Variants in KLC1 observed in about 807,000 individuals in gnomAD.
KLC1 encodes kinesin 2 60/70kDa.
In KLC1, 30 loss-of-function variants were observed where a neutral mutation model predicts 84.2. The observed-to-expected ratio is 0.36, with a 90% CI of 0.27 to 0.48. The LOEUF (loss-of-function observed/expected upper bound fraction) is 0.48. KLC1 is among the 20% of genes least tolerant of loss of function. The pLI is 0.99. For synonymous variants in KLC1, 289 were observed against 293.3 expected (o/e 0.99, Z 0.15); for missense variants, 499 against 805.4 (o/e 0.62, Z 4.60).
intron 15 of KLC1, chr14:103,698,915 G>C: frequency 6.2e-7 from 1 of 1,600,736 alleles, no homozygotes; most frequent in Non-Finnish European, 8.5e-7. Context: ...CTGGGCAGCC[G>C]AGGGCAGCCT....
At chr14:103,672,644 C>G (rs924358901) in intron 7 of KLC1, among the ~76,000 whole-genome samples, 17 of 152,154 alleles carry the variant, frequency 1.1e-4, no homozygotes, top group Admixed American at 9.8e-4. Context: ...GTGGGCTCTT[C>G]AGAAGCTGGC....
chr14:103,671,300 C>T (rs2080366513), intron 7 of KLC1, among the ~76,000 whole-genome samples: 1 of 151,914 alleles, frequency 6.6e-6, no homozygotes, highest in African/African-American at 2.4e-5. Flanking sequence ...TTCAGCAGTG[C>T]TGTGTATGAC....
At chr14:103,630,225 C>T (rs111620817) in intron 1 of KLC1, among the ~76,000 whole-genome samples, 1 of 152,270 alleles carries the variant, frequency 6.6e-6, no homozygotes, top group African/African-American at 2.4e-5. Context: ...TGGGTGTACC[C>T]TTTTCCTTAA....
In KLC1 at chr14:103,694,588, C is replaced by T. The variant is rs1357534986; in HGVS notation, c.1848+2163C>T. 1 of 985,370 alleles carries T rather than the reference C, an allele frequency of 1.0e-6. No homozygotes were observed. The highest frequency in any genetic ancestry group is 1.7e-5 in the African/African-American group (1 of 57,252). 61.0% of individuals were successfully genotyped at this position (985,370 alleles called of 1,614,324 possible). A position where few individuals can be genotyped will look rare whatever the true frequency, so the allele number is the denominator to read the frequency against. ...GTCCATAGGTAAAGAGCATACAAAACAGACGCCGAGGTGATCAGTGATTCC... is the reference window on the plus strand; with the variant it reads ...GTCCATAGGTAAAGAGCATACAAAATAGACGCCGAGGTGATCAGTGATTCC... On this transcript the variant is annotated intron_variant, in intron 15 of 16. Transcript: ENST00000334553. The surrounding 1 kb of genome is among the most constrained non-coding windows in gnomAD (Gnocchi z 4.5).
intron 1 of KLC1, 102 bp from the exon 2 acceptor site, chr14:103,654,462 T>C: frequency 1.2e-6 from 1 of 819,958 alleles, no homozygotes; most frequent in Non-Finnish European, 1.8e-6. Flanking sequence ...TATTTATTAT[T>C]CCCCTATAAA....
In KLC1 at chr14:103,657,656, G is replaced by A. The variant is rs756251182; in HGVS notation, c.372G>A (p.Leu124=). The change falls in exon 3 of 17, where the codon CTG becomes CTA. Residue 124 remains leucine (L), a synonymous_variant. Transcript: ENST00000334553. ...CQENQWLRDE[L]ANTQQKLQKS... ...AGAATCAGTGGCTACGGGATGAACTGGCCAACACGCAGCAGAAACTGCAGA... is the reference window on the plus strand; with the variant it reads ...AGAATCAGTGGCTACGGGATGAACTAGCCAACACGCAGCAGAAACTGCAGA... The A allele has an allele frequency of 1.2e-6, 2 of 1,614,164 alleles. No individual in the cohort carries two copies. The highest frequency in any genetic ancestry group is 2.2e-5 in the South Asian group (2 of 91,082).
At chr14:103,682,797 T>A (rs1305216958) in intron 13 of KLC1, 1 of 149,702 alleles carries the variant, frequency 6.7e-6, no homozygotes, top group Non-Finnish European at 1.5e-5. Context: ...TTTTTTTTTT[T>A]TTTTTGAGAT....
chr14:103,696,185 A>G (rs1220211643), intron 15 of KLC1: 1 of 977,478 alleles, frequency 1.0e-6, no homozygotes, highest in Non-Finnish European at 1.2e-6. Flanking sequence ...GTGGGCGGAC[A>G]GCATATCTCT....
chr14:103,688,582 C>T lies in KLC1; in HGVS notation c.1781+1371C>T, dbSNP rs72710771. On this transcript the variant is annotated intron_variant, in intron 14 of 16. Coordinates refer to ENST00000334553, the MANE Select transcript of KLC1 (RefSeq NM_001394837.1). ...AGGGTGCGGGGTGGCCAGAGATGGC[C>T]CAGTCCCTTAGTGGTAGGGCTCACC... 5.5e-3 allele frequency among the ~76,000 whole-genome samples: 834 copies of T among 152,326 alleles called. 1 individual carries two copies. The highest frequency in any genetic ancestry group is 0.015 in the South Asian group (73 of 4,822).
intron 1 of KLC1, among the ~76,000 whole-genome samples, chr14:103,648,835 C>T (rs1189638448): frequency 6.6e-6 from 1 of 151,974 alleles, no homozygotes; most frequent in East Asian, 1.9e-4. Context: ...GTTAAAAATA[C>T]ATGTCAAAAT....
chr14:103,686,089 A>G, intron 13 of KLC1: 2 of 1,010,374 alleles, frequency 2.0e-6, no homozygotes, highest in South Asian at 8.0e-5. Context: ...GGGTCTCCCT[A>G]GGATATGCCC....
At position 103,696,839 on chromosome 14, in the gene KLC1, T is replaced by C. The variant is rs553223276; in HGVS notation, c.1849-3816T>C. The C allele has an allele frequency of 2.3e-4, 224 of 985,070 alleles. 1 individual carries two copies. The South Asian group carries it at 6.1e-3, about 27-fold the overall frequency. 61.0% of individuals were successfully genotyped at this position (985,070 alleles called of 1,614,324 possible). ...AAGACCCATGGCCCTGGCCTGGAAC[T>C]GTGCTCCCCAGGGCGTGGTGCCTCC... On this transcript the variant is annotated intron_variant, in intron 15 of 16. Coordinates refer to ENST00000334553, the MANE Select transcript of KLC1 (RefSeq NM_001394837.1).
chr14:103,640,391 C>T (rs1283953461), intron 1 of KLC1, among the ~76,000 whole-genome samples: 2 of 150,216 alleles, frequency 1.3e-5, no homozygotes, highest in Non-Finnish European at 3.0e-5. Flanking sequence ...GACAGAGTCT[C>T]GCGCTGTCGC....
chr14:103,641,132 C>G (rs2077458517), intron 1 of KLC1, among the ~76,000 whole-genome samples: 2 of 152,100 alleles, frequency 1.3e-5, no homozygotes, highest in South Asian at 4.1e-4. Context: ...GCCATGTTGG[C>G]CATGCTGGTC....
intron 1 of KLC1, among the ~76,000 whole-genome samples, chr14:103,634,990 T>C (rs2076945877): frequency 6.6e-6 from 1 of 152,240 alleles, no homozygotes; most frequent in African/African-American, 2.4e-5. Context: ...TGTAGCCTCC[T>C]AGTTAGTATA....
At chr14:103,671,183 C>T (rs1042418386) in intron 7 of KLC1, among the ~76,000 whole-genome samples, 1 of 152,052 alleles carries the variant, frequency 6.6e-6, no homozygotes, top group Non-Finnish European at 1.5e-5. Flanking sequence ...ATTATTATAA[C>T]TAAAGATTAA....
chr14:103,677,820 G>T (rs112235764), intron 12 of KLC1, among the ~76,000 whole-genome samples: 1 of 151,870 alleles, frequency 6.6e-6, no homozygotes, highest in Admixed American at 6.6e-5. Context: ...TTAGCTGGGC[G>T]TGGTGGCACA....
At chr14:103,698,989 G>A (rs1390312890) in intron 15 of KLC1, 1 of 1,596,218 alleles carries the variant, frequency 6.3e-7, no homozygotes, top group South Asian at 1.1e-5. Flanking sequence ...GTTATGCCAA[G>A]GGCTGGGGAA....
At chr14:103,662,392 C>T (rs189652775) in intron 4 of KLC1, among the ~76,000 whole-genome samples, 198 bp downstream of exon 4, 16 of 152,256 alleles carry the variant, frequency 1.1e-4, no homozygotes, top group Middle Eastern at 3.4e-3. Flanking sequence ...CCCTAGGATA[C>T]AGCGGCATGC....
Sources: allele counts gnomAD v4.1 joint callset (sites outside exome capture counted in the v4.1 genomes callset), GRCh38; gene constraint gnomAD v4.1.1; non-coding constraint Gnocchi (gnomAD v3.1); transcripts MANE v1.5; gene names NCBI Gene and HGNC (gene_info 2026-07-23, HGNC 2026-07-21).